DNER: variants seen among roughly 807,000 people sequenced by gnomAD.
DNER encodes delta/notch like EGF repeat containing, also known as delta and Notch-like epidermal growth factor-related receptor.
DNER carries 33 observed loss-of-function variants against 78.2 expected under a neutral mutation model. The ratio of observed to expected loss-of-function variants is 0.42; its 90% CI spans 0.32 to 0.56. The LOEUF (loss-of-function observed/expected upper bound fraction) is 0.56. Ranked by LOEUF, DNER falls within the 20% of genes least tolerant of loss-of-function variation. The pLI is 0.11. For synonymous variants in DNER, 417 were observed against 384.8 expected (o/e 1.08, Z -0.98); for missense variants, 918 against 975.3 (o/e 0.94, Z 0.78).
intron 7 of DNER, among the ~76,000 whole-genome samples, chr2:229,464,304 G>A (rs1056451299): frequency 2.6e-5 from 4 of 152,190 alleles, no homozygotes; most frequent in African/African-American, 9.7e-5. Context: ...CATTTTAAAT[G>A]TGACTTTGAA....
intron 1 of DNER, among the ~76,000 whole-genome samples, chr2:229,682,603 T>G (rs1417595624): frequency 6.6e-6 from 1 of 152,140 alleles, no homozygotes; most frequent in Non-Finnish European, 1.5e-5. Context: ...ATCCCAGCAC[T>G]TTGGGAGGTC....
intron 7 of DNER, among the ~76,000 whole-genome samples, chr2:229,453,433 C>T (rs1364632360): frequency 6.6e-6 from 1 of 152,094 alleles, no homozygotes; most frequent in African/African-American, 2.4e-5. Context: ...AGAACTTGTG[C>T]TCAGGAGAGA....
chr2:229,713,772 G>C (rs1042739604), intron 1 of DNER, among the ~76,000 whole-genome samples: 3 of 152,226 alleles, frequency 2.0e-5, no homozygotes, highest in African/African-American at 7.2e-5. Context: ...CCTCGCCGGG[G>C]ACGCTCGGAG....
intron 1 of DNER, among the ~76,000 whole-genome samples, chr2:229,642,410 C>T (rs150005412): frequency 1.4e-3 from 206 of 152,308 alleles, no homozygotes; most frequent in African/African-American, 4.7e-3. Flanking sequence ...CAGTGACAGA[C>T]GCCCGCTGAA....
chr2:229,359,259 A>T (rs987271346), intron 12 of DNER, among the ~76,000 whole-genome samples: 4 of 152,206 alleles, frequency 2.6e-5, no homozygotes, highest in Non-Finnish European at 4.4e-5. Flanking sequence ...CACAGAAGCC[A>T]ATGTTTTCCT....
At chr2:229,693,914 A>C (rs1699622123) in intron 1 of DNER, among the ~76,000 whole-genome samples, 1 of 152,250 alleles carries the variant, frequency 6.6e-6, no homozygotes, top group Admixed American at 6.5e-5. Context: ...AATGGGAAAA[A>C]TGTCTCCAGG....
intron 1 of DNER, among the ~76,000 whole-genome samples, chr2:229,645,779 G>C (rs1188391487): frequency 1.3e-5 from 2 of 152,178 alleles, no homozygotes; most frequent in African/African-American, 4.8e-5. Flanking sequence ...GCCAAGTCCT[G>C]TGCAAGGCAC....
At chr2:229,675,844 C>G (rs575622942) in intron 1 of DNER, among the ~76,000 whole-genome samples, 1 of 152,304 alleles carries the variant, frequency 6.6e-6, no homozygotes, top group East Asian at 1.9e-4. Context: ...CAGTGAGAAC[C>G]ATGCACTGGT....
Position 229,477,239 on chromosome 2 carries a change from G to A in DNER, c.1162C>T (p.Leu388Phe), listed in dbSNP as rs749871660. The change falls in exon 7 of 13, where the codon CTT becomes TTT. Residue 388 changes from leucine to phenylalanine, a missense_variant. Transcript: ENST00000341772. ...CVCLPGYTGE[L>F]CQSKIDYCIL... The stretch of plus-strand genomic sequence containing the variant: ...CAGTAATCAATCTTGGACTGGCAAA[G>A]CTCTCCAGTATAACCTGAATAAAAC... 6 of 1,612,744 alleles carry A rather than the reference G, an allele frequency of 3.7e-6. No homozygotes were observed. The highest frequency in any genetic ancestry group is 3.3e-5 in the South Asian group (3 of 90,898).
chr2:229,439,346 C>T (rs933657765), intron 8 of DNER, among the ~76,000 whole-genome samples: 53 of 152,192 alleles, frequency 3.5e-4, no homozygotes, highest in South Asian at 6.2e-4. Context: ...CCAATGTCTG[C>T]GCTAATGCTC....
At chr2:229,414,062 C>G (rs1485896486) in intron 9 of DNER, among the ~76,000 whole-genome samples, 1 of 151,984 alleles carries the variant, frequency 6.6e-6, no homozygotes, top group African/African-American at 2.4e-5. Flanking sequence ...CATGTGGCCT[C>G]TCACTTCCCC....
At chr2:229,527,744 T>C (rs1696235141) in intron 5 of DNER, among the ~76,000 whole-genome samples, 1 of 152,254 alleles carries the variant, frequency 6.6e-6, no homozygotes, top group Non-Finnish European at 1.5e-5. Context: ...TAAGTTATTT[T>C]CTCCTACTAT....
At chr2:229,606,841 T>C (rs7597895) in intron 1 of DNER, among the ~76,000 whole-genome samples, 9,365 of 152,150 alleles carry the variant, frequency 0.062, 889 homozygotes, top group African/African-American at 0.2. Context: ...TGCGGTGAGC[T>C]GAGATGGTGC....
chr2:229,534,132 G>GCCAAGAGATTGTAATGAAACAGA (rs1696359460), intron 5 of DNER, among the ~76,000 whole-genome samples: 1 of 151,662 alleles, frequency 6.6e-6, no homozygotes, highest in African/African-American at 2.4e-5. Flanking sequence ...AATGAAACAG[G>GCCAAGAGATTGTAATGAAACAGA]CCAAGAGATT....
intron 1 of DNER, among the ~76,000 whole-genome samples, chr2:229,608,390 C>G (rs1697980825): frequency 6.6e-6 from 1 of 152,226 alleles, no homozygotes; most frequent in Non-Finnish European, 1.5e-5. Context: ...TATTTACTCT[C>G]TGGCTGTTTG....
chr2:229,456,028 C>T (rs1335725750), intron 7 of DNER, among the ~76,000 whole-genome samples: 1 of 152,062 alleles, frequency 6.6e-6, no homozygotes, highest in East Asian at 1.9e-4. Context: ...TATATTAGTC[C>T]ATTTTTGCAT....
chr2:229,474,116 G>C lies in DNER; in HGVS notation c.1261+3024C>G, dbSNP rs6711098. Among the ~76,000 whole-genome samples the C allele has an allele frequency of 6.6e-3, 998 of 152,256 alleles. 6 individuals are homozygous for C. The highest frequency in any genetic ancestry group is 0.023 in the African/African-American group (957 of 41,536). ...AGACAGGGTTTTGCCATGTTGGTCA[G>C]GCTGGTCTTGTACTCCTGGCCTGCA... On this transcript the variant is annotated intron_variant, in intron 7 of 12. Transcript: ENST00000341772.
chr2:229,701,908 G>A (rs945729057), intron 1 of DNER: 4 of 158,972 alleles, frequency 2.5e-5, no homozygotes, highest in South Asian at 1.8e-4. Flanking sequence ...GGACATTGGA[G>A]GTAACAGATA....
chr2:229,477,284 A>G, intron 6 of DNER, 31 bp from the exon 7 acceptor site: 3 of 1,562,256 alleles, frequency 1.9e-6, no homozygotes, highest in Non-Finnish European at 2.6e-6. Flanking sequence ...ATTTTATAAA[A>G]TAAGCTCTTC....
Sources: allele counts gnomAD v4.1 joint callset (sites outside exome capture counted in the v4.1 genomes callset), GRCh38; gene constraint gnomAD v4.1.1; transcripts MANE v1.5; gene names NCBI Gene and HGNC (gene_info 2026-07-23, HGNC 2026-07-21).